HPGDS: variants seen among roughly 807,000 people sequenced by gnomAD.
The protein encoded by HPGDS is GST class-sigma.
A neutral mutation model predicts 23.1 loss-of-function variants in HPGDS; 26 were observed. The ratio of observed to expected loss-of-function variants is 1.13; its 90% CI spans 0.83 to 1.56. HPGDS has a LOEUF of 1.56. Ranked by LOEUF, HPGDS falls within the 40% of genes most tolerant of loss-of-function variation. The pLI, the probability that HPGDS is intolerant of heterozygous loss-of-function variation, is 0.00. For missense variants in HPGDS, 268 were observed against 236.4 expected (o/e 1.13, Z -0.88); for synonymous variants, 95 against 77.9 (o/e 1.22, Z -1.16).
intron 2 of HPGDS, among the ~76,000 whole-genome samples, chr4:94,318,815 T>A (rs892324625): frequency 6.6e-6 from 1 of 152,204 alleles, no homozygotes; most frequent in Admixed American, 6.5e-5. Context: ...CAGGTTCAAG[T>A]AATTCTCCTG....
intron 2 of HPGDS, among the ~76,000 whole-genome samples, chr4:94,320,619 T>G (rs1409468152): frequency 6.6e-6 from 1 of 152,226 alleles, no homozygotes; most frequent in Non-Finnish European, 1.5e-5. Flanking sequence ...GTTTGATTTT[T>G]TCTTGTAAAT....
intron 2 of HPGDS, among the ~76,000 whole-genome samples, chr4:94,325,956 T>A (rs1207771995): frequency 6.6e-6 from 1 of 152,030 alleles, no homozygotes; most frequent in African/African-American, 2.4e-5. Context: ...GCTTTGCTGG[T>A]TATAGTATTC....
chr4:94,305,902 T>C (rs531467384), intron 4 of HPGDS, among the ~76,000 whole-genome samples: 13 of 152,266 alleles, frequency 8.5e-5, no homozygotes, highest in Admixed American at 2.6e-4. Flanking sequence ...TTCACAGTTC[T>C]GTCAGTTGTG....
chr4:94,310,560 G>T (rs949770099), intron 3 of HPGDS, among the ~76,000 whole-genome samples: 2 of 152,048 alleles, frequency 1.3e-5, no homozygotes, highest in African/African-American at 2.4e-5. Flanking sequence ...GTTTGAAGTC[G>T]GGTAGCGTGA....
At chr4:94,324,028 T>C (rs1756576582) in intron 2 of HPGDS, among the ~76,000 whole-genome samples, 1 of 152,222 alleles carries the variant, frequency 6.6e-6, no homozygotes, top group Non-Finnish European at 1.5e-5. Context: ...AAGCTTAGTT[T>C]GGCAGGATAT....
At chr4:94,330,307 A>G (rs1756713064) in intron 2 of HPGDS, among the ~76,000 whole-genome samples, 1 of 152,224 alleles carries the variant, frequency 6.6e-6, no homozygotes, top group Non-Finnish European at 1.5e-5. Context: ...CTAACAAGGA[A>G]GTTCCAAAAT....
chr4:94,309,087 G>C (rs1756203042), intron 3 of HPGDS, among the ~76,000 whole-genome samples: 1 of 128,644 alleles, frequency 7.8e-6, no homozygotes, highest in Non-Finnish European at 1.6e-5. Context: ...GGCTACATAG[G>C]GATTCATTGA....
chr4:94,314,323 G>A (rs1318575979), intron 3 of HPGDS, among the ~76,000 whole-genome samples: 1 of 152,080 alleles, frequency 6.6e-6, no homozygotes, highest in African/African-American at 2.4e-5. Context: ...TTTTGGTGTG[G>A]ATGTCCTTTC....
chr4:94,315,688 C>T (rs184684772), intron 3 of HPGDS, among the ~76,000 whole-genome samples: 1 of 151,982 alleles, frequency 6.6e-6, no homozygotes, highest in East Asian at 1.9e-4. Flanking sequence ...TAAATTATAC[C>T]TCAATAAAGG....
At chr4:94,340,941 T>G (rs1302608517) in intron 1 of HPGDS, among the ~76,000 whole-genome samples, 2 of 142,180 alleles carry the variant, frequency 1.4e-5, no homozygotes, top group Non-Finnish European at 3.0e-5. Flanking sequence ...GCCTCCCGGG[T>G]TCAAGCGATT....
intron 2 of HPGDS, among the ~76,000 whole-genome samples, chr4:94,324,203 C>T (rs775552041): frequency 6.6e-6 from 1 of 152,144 alleles, no homozygotes; most frequent in African/African-American, 2.4e-5. Flanking sequence ...TTTTTTCCTT[C>T]ATTTCAACCT....
chr4:94,311,401 G>T (rs548089217), intron 3 of HPGDS, among the ~76,000 whole-genome samples: 4 of 151,340 alleles, frequency 2.6e-5, no homozygotes, highest in East Asian at 1.9e-4. Flanking sequence ...TAATCATGTG[G>T]TTTTTTGTCA....
At chr4:94,311,050 G>A (rs547908544) in intron 3 of HPGDS, among the ~76,000 whole-genome samples, 2 of 152,150 alleles carry the variant, frequency 1.3e-5, no homozygotes, top group Non-Finnish European at 2.9e-5. Flanking sequence ...AGATGATGGG[G>A]TTTTCTAAAT....
At chr4:94,329,550 A>G (rs1370412317) in intron 2 of HPGDS, among the ~76,000 whole-genome samples, 1 of 152,224 alleles carries the variant, frequency 6.6e-6, no homozygotes, top group Non-Finnish European at 1.5e-5. Context: ...TATCAAATAG[A>G]AGAAAAATTT....
chr4:94,311,288 C>G (rs1022709514), intron 3 of HPGDS, among the ~76,000 whole-genome samples: 1 of 151,334 alleles, frequency 6.6e-6, no homozygotes, highest in Non-Finnish European at 1.5e-5. Context: ...ACAGATAGCT[C>G]TTACTATTTT....
chr4:94,302,511 C>T (rs147261116), intron 4 of HPGDS, among the ~76,000 whole-genome samples: 1 of 152,062 alleles, frequency 6.6e-6, no homozygotes, highest in East Asian at 1.9e-4. Context: ...AAATATTTTA[C>T]CCACAAAATC....
chr4:94,340,336 T>TCAC (rs1721133526), intron 1 of HPGDS, among the ~76,000 whole-genome samples: 1 of 45,716 alleles, frequency 2.2e-5, no homozygotes, highest in Non-Finnish European at 4.4e-5. Context: ...TTTTTTTTTT[T>TCAC]TTTTTTTTTT....
Position 94,299,359 on chromosome 4 carries a change from G to T in HPGDS, c.*121C>A. On this transcript the variant is annotated 3_prime_UTR_variant, in exon 6 of 6. Coordinates refer to ENST00000295256, the MANE Select transcript of HPGDS (RefSeq NM_014485.3). ...TTTTAAAAATCAGAATATGGCTAAA[G>T]TGAAAATCTTAGTGGAGCTGGGGAG... The T allele has an allele frequency of 1.2e-6, 1 of 813,198 alleles. No homozygotes were observed. Among genetic ancestry groups the T allele is most frequent in the Non-Finnish European group, 1.9e-6 (1 of 539,852 alleles). 50.4% of individuals were successfully genotyped at this position (813,198 alleles called of 1,614,324 possible).
chr4:94,307,221 C>A (rs1251806396), intron 4 of HPGDS, among the ~76,000 whole-genome samples: 8 of 151,502 alleles, frequency 5.3e-5, no homozygotes, highest in Non-Finnish European at 2.9e-5. Flanking sequence ...AAGCCCCAAA[C>A]TTTTATTTCC....
Sources: allele counts gnomAD v4.1 joint callset (sites outside exome capture counted in the v4.1 genomes callset), GRCh38; gene constraint gnomAD v4.1.1; transcripts MANE v1.5; gene names NCBI Gene and HGNC (gene_info 2026-07-23, HGNC 2026-07-21).